The following NEB variants were observed in gnomAD, a reference collection of about 807,000 sequenced individuals.
NEB encodes nemaline myopathy type 2.
A neutral mutation model predicts 952.2 loss-of-function variants in NEB; 512 were observed. That is an observed-to-expected ratio of 0.54 (90% CI 0.50 to 0.58). The LOEUF (loss-of-function observed/expected upper bound fraction) is 0.58. NEB is among the 20% of genes least tolerant of loss of function. The probability of loss-of-function intolerance (pLI) is 0.00; values close to 1 mark genes in which losing one functional copy is unlikely to be tolerated. For synonymous variants in NEB, 2,900 were observed against 3,149.8 expected (o/e 0.92, Z 2.66); for missense variants, 8,428 against 9,231.1 (o/e 0.91, Z 3.56).
intron 71 of NEB, among the ~76,000 whole-genome samples, chr2:151,623,177 T>C (rs1317881310): frequency 6.6e-6 from 1 of 152,244 alleles, no homozygotes; most frequent in Non-Finnish European, 1.5e-5. Context: ...GATCAATCTA[T>C]GATTGAACAA....
At position 151,526,272 on chromosome 2, in the gene NEB, C is replaced by A; in HGVS notation, c.21946-10G>T. The A allele has an allele frequency of 6.3e-7, 1 of 1,582,306 alleles. No individual in the cohort carries two copies. Among genetic ancestry groups the A allele is most frequent in the Non-Finnish European group, 8.7e-7 (1 of 1,155,870 alleles). ...TCTCTTTGTATTTCAGCTTCAGGGG[C>A]AGGAAAAGGGGCATTTCTTTAGCTC... On this transcript the variant is annotated splice_polypyrimidine_tract_variant and intron_variant, in intron 148 of 181. Transcript: ENST00000397345.
At chr2:151,731,309 TTAGA>T (rs1481736533) in intron 3 of NEB, among the ~76,000 whole-genome samples, 4 of 152,328 alleles carry the variant, frequency 2.6e-5, no homozygotes, top group Non-Finnish European at 5.9e-5. Flanking sequence ...GTGCCACTAA[TTAGA>T]TAGTGCATCC....
intron 47 of NEB, among the ~76,000 whole-genome samples, chr2:151,658,525 G>A (rs1160060088): frequency 2.0e-5 from 3 of 151,978 alleles, no homozygotes; most frequent in Non-Finnish European, 4.4e-5. Flanking sequence ...CCAAATCTCT[G>A]TGGAATTCAA....
rs190304350 is a variant in NEB at position 151,510,848 on chromosome 2, T to G, written c.23346+1885A>C. ...CTGTATAGTATCCTAAATTTGTGAGTCAGCTTACATTGCTTGTATTAACCC... is the reference window on the plus strand; with the variant it reads ...CTGTATAGTATCCTAAATTTGTGAGGCAGCTTACATTGCTTGTATTAACCC... On this transcript the variant is annotated intron_variant, in intron 161 of 181. Coordinates refer to ENST00000397345, the MANE Select transcript of NEB (RefSeq NM_001164508.2). 2.3e-3 allele frequency among the ~76,000 whole-genome samples: 343 copies of G among 152,268 alleles called. 7 individuals are homozygous for G. The East Asian group carries it at 0.044, about 20-fold the overall frequency.
Position 151,727,753 on chromosome 2 carries a change from G to T in NEB, c.232C>A (p.Pro78Thr), listed in dbSNP as rs2099795522. Residue 78 changes from proline (P) to threonine (T), a missense_variant, in exon 5 of 182, where the codon CCT becomes ACT. Transcript: ENST00000397345. Reference protein sequence around the residue: ...RRKVIRKKVDPSKFMTPYIAH... With the variant: ...RRKVIRKKVDTSKFMTPYIAH... ...ATGTAGGGGGTCATGAACTTTGAAGGATCCACTTTCTTCCGGATGACCTTC... is the reference window on the plus strand; with the variant it reads ...ATGTAGGGGGTCATGAACTTTGAAGTATCCACTTTCTTCCGGATGACCTTC... The T allele has an allele frequency of 6.2e-7, 1 of 1,613,588 alleles. No individual in the cohort carries two copies. Among genetic ancestry groups the T allele is most frequent in the African/African-American group, 1.3e-5 (1 of 74,892 alleles).
In NEB at chr2:151,497,702, T is replaced by G. The variant is rs1356282657; in HGVS notation, c.24224A>C (p.Asn8075Thr). 3.2e-6 allele frequency: 5 copies of G among 1,578,976 alleles called. No individual in the cohort carries two copies. Residue 8075 changes from asparagine (N) to threonine (T), a missense_variant, in exon 171 of 182, where the codon AAC (asparagine) becomes ACC (threonine). Coordinates refer to ENST00000397345, the MANE Select transcript of NEB (RefSeq NM_001164508.2). ...ENLSSVLYKE[N>T]MGKGTPLPVT... is the part of the protein sequence containing the mutation. ...AGGTAAAGGGGTTCCCTTGCCCATGTTTTCTTTGTATAACACCTGTGCGAT... is the reference window on the plus strand; with the variant it reads ...AGGTAAAGGGGTTCCCTTGCCCATGGTTTCTTTGTATAACACCTGTGCGAT...
At position 151,687,606 on chromosome 2, in the gene NEB, G is replaced by C. The variant is rs186473611; in HGVS notation, c.2523+20C>G. On this transcript the variant is annotated intron_variant, in intron 26 of 181. Transcript: ENST00000397345. ...CAAGGCCACCCTGTCCAGGTCCCCA[G>C]GTCCCCAGGCCACACTCACATCGCT... is the stretch of plus-strand genomic sequence containing the variant. 2,249 of 1,613,524 alleles carry C rather than the reference G, an allele frequency of 1.4e-3. 16 individuals carry two copies. Among genetic ancestry groups the C allele is most frequent in the Non-Finnish European group, 7.6e-4 (900 of 1,179,612 alleles).
At chr2:151,669,258 T>C (rs1430736375) in intron 38 of NEB, 127 bp from the exon 39 acceptor site, 2 of 663,390 alleles carry the variant, frequency 3.0e-6, no homozygotes, top group African/African-American at 3.6e-5. Flanking sequence ...ATACCTACTC[T>C]GTCATAAGGG....
chr2:151,643,116 A>T (rs1423045501), intron 58 of NEB, 34 bp downstream of exon 58: 1 of 1,575,264 alleles, frequency 6.3e-7, no homozygotes, highest in South Asian at 1.2e-5. Flanking sequence ...AACAAAAAAA[A>T]TTAATAACCT....
chr2:151,656,582 T>C, intron 48 of NEB, 118 bp from the exon 49 acceptor site: 1 of 461,538 alleles, frequency 2.2e-6, no homozygotes, highest in East Asian at 4.9e-5. Context: ...ATTATATTTG[T>C]ATAGAGCTCT....
intron 71 of NEB, among the ~76,000 whole-genome samples, chr2:151,623,787 A>T (rs573893870): frequency 6.6e-6 from 1 of 152,252 alleles, no homozygotes; most frequent in Non-Finnish European, 1.5e-5. Flanking sequence ...TTTATTTATT[A>T]CATTTTTTCT....
chr2:151,708,156 C>T (rs920447623), intron 12 of NEB, among the ~76,000 whole-genome samples: 2 of 152,172 alleles, frequency 1.3e-5, no homozygotes, highest in African/African-American at 2.4e-5. Flanking sequence ...ATTCCAACAT[C>T]ACCAAATCTT....
intron 105 of NEB, among the ~76,000 whole-genome samples, 158 bp from the exon 106 acceptor site, chr2:151,576,512 ATATATTTTTTTTTTTTTTT>A (rs1197811563): frequency 3.5e-5 from 1 of 28,928 alleles, no homozygotes; most frequent in Admixed American, 5.8e-4. Context: ...ATATATATAT[ATATATTTTTTTTTTTTTTT>A]TTTTTTTTTT....
At chr2:151,524,237 G>T in intron 153 of NEB, 74 bp downstream of exon 153, 1 of 1,280,328 alleles carries the variant, frequency 7.8e-7, no homozygotes, top group South Asian at 1.2e-5. Flanking sequence ...TTTTCAATCT[G>T]GAAATCACTT....
intron 52 of NEB, among the ~76,000 whole-genome samples, chr2:151,651,882 G>A (rs143057229): frequency 1.3e-3 from 199 of 152,240 alleles, no homozygotes; most frequent in African/African-American, 4.5e-3. Flanking sequence ...GATTTTGTAT[G>A]GGGCACAAAT....
chr2:151,722,818 G>C (rs1407278171), intron 9 of NEB, among the ~76,000 whole-genome samples: 1 of 152,066 alleles, frequency 6.6e-6, no homozygotes, highest in Non-Finnish European at 1.5e-5. Flanking sequence ...CAAACTGCTG[G>C]GATTACAGGG....
intron 72 of NEB, among the ~76,000 whole-genome samples, chr2:151,620,345 G>GTATATA (rs775274994): frequency 0.012 from 1,022 of 87,162 alleles, 14 homozygotes; most frequent in Non-Finnish European, 0.017. Context: ...ATGTATGTGT[G>GTATATA]TGTATATATA....
chr2:151,554,378 T>C (rs1338720390), intron 125 of NEB, among the ~76,000 whole-genome samples: 1 of 151,814 alleles, frequency 6.6e-6, no homozygotes, highest in East Asian at 1.9e-4. Flanking sequence ...GTGGGCAACA[T>C]AACGAGATTC....
intron 117 of NEB, among the ~76,000 whole-genome samples, chr2:151,564,552 T>C (rs899623305): frequency 2.0e-5 from 3 of 152,176 alleles, no homozygotes; most frequent in Admixed American, 1.3e-4. Flanking sequence ...TTCTTTCCCA[T>C]TGGGTGCACA....
Sources: allele counts gnomAD v4.1 joint callset (sites outside exome capture counted in the v4.1 genomes callset), GRCh38; gene constraint gnomAD v4.1.1; transcripts MANE v1.5; gene names NCBI Gene and HGNC (gene_info 2026-07-23, HGNC 2026-07-21).